ASB3: variants seen among roughly 807,000 people sequenced by gnomAD.
ASB3 encodes ankyrin repeat and SOCS box containing 3, also known as ankyrin repeat and SOCS box protein 3.
In ASB3, 41 loss-of-function variants were observed where a neutral mutation model predicts 54.5. The ratio of observed to expected loss-of-function variants is 0.75; its 90% confidence interval spans 0.59 to 0.98. The LOEUF (loss-of-function observed/expected upper bound fraction) is 0.98, where lower values mean the gene tolerates loss of function less well. Among genes scored for constraint, ASB3 ranks in the 50% least tolerant of loss-of-function variants. The probability of loss-of-function intolerance (pLI) is 0.00; values close to 1 mark genes in which losing one functional copy is unlikely to be tolerated. For missense variants in ASB3, 733 were observed against 620.0 expected, an observed-to-expected ratio of 1.18 and a Z score of -1.94; for synonymous variants, 266 against 221.2, an observed-to-expected ratio of 1.20 and a Z score of -1.80.
At chr2:53,771,381 C>T (rs1021617167) in intron 1 of ASB3, among the ~76,000 whole-genome samples, 3 of 152,024 alleles carry the variant, frequency 2.0e-5, no homozygotes, top group African/African-American at 2.4e-5. Flanking sequence ...GGTGTCTTGG[C>T]GGGCACCTGT....
intron 5 of ASB3, among the ~76,000 whole-genome samples, chr2:53,724,536 T>C (rs1390741305): frequency 6.6e-6 from 1 of 151,612 alleles, no homozygotes; most frequent in Non-Finnish European, 1.5e-5. Context: ...GAGGCAGAGG[T>C]TGCAGTGAGC....
At chr2:53,670,712 G>A in intron 9 of ASB3, 22 bp from the exon 10 acceptor site, 2 of 1,584,100 alleles carry the variant, frequency 1.3e-6, no homozygotes, top group South Asian at 1.2e-5. Context: ...AAAAAAGCAA[G>A]GTGAAACTTT....
chr2:53,754,381 C>T (rs1672699699), intron 2 of ASB3, among the ~76,000 whole-genome samples: 4 of 152,098 alleles, frequency 2.6e-5, no homozygotes. Flanking sequence ...TAGTGACTTG[C>T]ATACACACTC....
At chr2:53,766,360 TTTC>T (rs1204447350) in intron 1 of ASB3, among the ~76,000 whole-genome samples, 1 of 152,228 alleles carries the variant, frequency 6.6e-6, no homozygotes, top group Non-Finnish European at 1.5e-5. Context: ...GAAGACACAA[TTTC>T]TTGTTAGTGA....
At chr2:53,735,589 C>A (rs1390519934) in intron 3 of ASB3, among the ~76,000 whole-genome samples, 6 of 150,704 alleles carry the variant, frequency 4.0e-5, no homozygotes, top group Admixed American at 6.6e-5. Context: ...TCAATGTGAG[C>A]CCAATCAAAA....
chr2:53,693,778 C>G, intron 9 of ASB3, 106 bp downstream of exon 9: 1 of 1,442,228 alleles, frequency 6.9e-7, no homozygotes, highest in Non-Finnish European at 9.2e-7. Flanking sequence ...CAAATTATGT[C>G]TAATTTGTGT....
intron 8 of ASB3, among the ~76,000 whole-genome samples, chr2:53,699,462 G>C (rs1669362144): frequency 6.6e-6 from 1 of 152,196 alleles, no homozygotes; most frequent in South Asian, 2.1e-4. Flanking sequence ...AATAGCTTTG[G>C]TAGAAAAACA....
intron 1 of ASB3, among the ~76,000 whole-genome samples, chr2:53,770,829 T>G (rs1673851258): frequency 6.6e-6 from 1 of 152,238 alleles, no homozygotes; most frequent in Non-Finnish European, 1.5e-5. Context: ...AGGCCAGTTC[T>G]AATACTGACC....
At chr2:53,712,788 T>C (rs1670179829) in intron 7 of ASB3, among the ~76,000 whole-genome samples, 2 of 151,512 alleles carry the variant, frequency 1.3e-5, no homozygotes, top group South Asian at 4.2e-4. Context: ...GCGCGCGCAA[T>C]CCAAAATCAT....
intron 1 of ASB3, chr2:53,767,652 TACTACACCGAAG>T: frequency 1.8e-6 from 1 of 544,932 alleles, no homozygotes; most frequent in South Asian, 2.2e-5. Context: ...ATCCATTGCT[TACTACACCGAAG>T]GTCAATGCCT....
At chr2:53,709,256 C>T (rs1669958156) in intron 7 of ASB3, among the ~76,000 whole-genome samples, 1 of 152,186 alleles carries the variant, frequency 6.6e-6, no homozygotes, top group African/African-American at 2.4e-5. Flanking sequence ...CAAAGGGGCC[C>T]AGGTACAGCT....
chr2:53,765,332 A>G (rs1193362631), intron 2 of ASB3, 45 bp downstream of exon 2: 1 of 1,610,696 alleles, frequency 6.2e-7, no homozygotes, highest in Non-Finnish European at 8.5e-7. Context: ...ATGTTTTATT[A>G]ATCCAGCTTG....
chr2:53,751,679 A>G (rs1046688013), intron 2 of ASB3, among the ~76,000 whole-genome samples: 4 of 152,208 alleles, frequency 2.6e-5, no homozygotes, highest in Admixed American at 6.5e-5. Context: ...AGAAAATAAA[A>G]AAAAAAACTT....
intron 9 of ASB3, among the ~76,000 whole-genome samples, chr2:53,682,569 C>T (rs939600381): frequency 6.6e-6 from 1 of 152,040 alleles, no homozygotes; most frequent in African/African-American, 2.4e-5. Flanking sequence ...CTCCACCTCT[C>T]GGGTTCAAGT....
chr2:53,775,392 T>C (rs1341069190), intron 1 of ASB3, among the ~76,000 whole-genome samples: 1 of 152,200 alleles, frequency 6.6e-6, no homozygotes, highest in Non-Finnish European at 1.5e-5. Flanking sequence ...TTTTTTTTTC[T>C]TTGCAGCCTG....
rs557719617 is a variant in ASB3, at chr2:53,674,855, AC to A, written c.1370-4166del. Among the ~76,000 whole-genome samples the A allele has an allele frequency of 3.1e-4, 47 of 152,330 alleles. No homozygotes were observed. In the East Asian group the frequency reaches 8.5e-3, roughly 27 times the overall value. On this transcript the variant is annotated intron_variant, in intron 9 of 9. Coordinates refer to ENST00000263634, the MANE Select transcript of ASB3 (RefSeq NM_016115.5). ...GCTAGAAAAAACACAAAAAGCAAGTACCTGAGAACTCTGAAAAACAAGTAAT... is the reference window on the plus strand; with the variant it reads ...GCTAGAAAAAACACAAAAAGCAAGTACTGAGAACTCTGAAAAACAAGTAAT...
rs1667753441 is a variant in ASB3, at chr2:53,670,476, T to A, written c.*27A>T. 3 of 1,597,058 alleles carry A rather than the reference T, an allele frequency of 1.9e-6. No individual in the cohort carries two copies. Among genetic ancestry groups the A allele is most frequent in the Non-Finnish European group, 2.6e-6 (3 of 1,175,770 alleles). On this transcript the variant is annotated 3_prime_UTR_variant, in exon 10 of 10. Coordinates refer to ENST00000263634, the MANE Select transcript of ASB3 (RefSeq NM_016115.5). ...CTCGATGATTTTTCAGAGAAAAAAATTAGCTGTGTTAAGTAGTTTCACTGA... is the reference window on the plus strand; with the variant it reads ...CTCGATGATTTTTCAGAGAAAAAAAATAGCTGTGTTAAGTAGTTTCACTGA...
intron 3 of ASB3, among the ~76,000 whole-genome samples, chr2:53,733,345 T>G (rs1005443691): frequency 6.6e-6 from 1 of 152,212 alleles, no homozygotes; most frequent in African/African-American, 2.4e-5. Flanking sequence ...AAACTTGATT[T>G]ACTTATTATT....
chr2:53,782,937 C>A (rs1288608836), intron 1 of ASB3, among the ~76,000 whole-genome samples: 3 of 152,096 alleles, frequency 2.0e-5, no homozygotes, highest in African/African-American at 7.2e-5. Context: ...CAGAAGCCTG[C>A]CAAGACTTCC....
Sources: gnomAD v4.1 joint callset for allele counts (sites outside exome capture counted in the v4.1 genomes callset) on GRCh38, gnomAD v4.1.1 for gene constraint, MANE v1.5 for transcripts, NCBI Gene and HGNC (gene_info 2026-07-23, HGNC 2026-07-21) for gene names.